The following NOBOX variants were observed in gnomAD, a reference collection of about 807,000 sequenced individuals.
NOBOX encodes the protein NOBOX oogenesis homeobox.
NOBOX carries 46 observed loss-of-function variants against 60.2 expected under a neutral mutation model. The observed-to-expected ratio is 0.76, with a 90% confidence interval of 0.60 to 0.98. The LOEUF is 0.98. Among genes scored for constraint, NOBOX ranks in the 50% least tolerant of loss-of-function variants. NOBOX has a pLI of 0.00. For synonymous variants in NOBOX, 360 were observed against 346.3 expected (o/e 1.04, Z -0.44); for missense variants, 880 against 865.5 (o/e 1.02, Z -0.21).
chr7:144,402,363 C>T (rs927452293), intron 2 of NOBOX, among the ~76,000 whole-genome samples: 8 of 152,188 alleles, frequency 5.3e-5, no homozygotes, highest in African/African-American at 1.9e-4. Flanking sequence ...GCATTGGGAG[C>T]TTATCATGTT....
intron 1 of NOBOX, among the ~76,000 whole-genome samples, chr7:144,406,449 T>C (rs933609590): frequency 6.6e-6 from 1 of 152,066 alleles, no homozygotes; most frequent in Non-Finnish European, 1.5e-5. Context: ...TCCCAGCTAC[T>C]TGGGAGGCTG....
intron 4 of NOBOX, 103 bp from the exon 3 acceptor site, chr7:144,400,415 G>A: frequency 9.9e-7 from 1 of 1,005,874 alleles, no homozygotes; most frequent in Non-Finnish European, 1.5e-6. Context: ...TGGGGCCACT[G>A]CCCCTAACCC....
chr7:144,401,230 C>G lies in NOBOX; in HGVS notation c.660G>C (p.Pro220=), dbSNP rs1457254748. 1.2e-6 allele frequency: 2 copies of G among 1,613,536 alleles called. No individual in the cohort carries two copies. Among genetic ancestry groups the G allele is most frequent in the Admixed American group, 1.7e-5 (1 of 59,926 alleles). Reference sequence around the variant, plus strand: ...TGGCACGGGCTGAGTTAGGGGCACCCGGAGATGATGTTGGGGCCAGACCCA... The same window carrying G: ...TGGCACGGGCTGAGTTAGGGGCACCGGGAGATGATGTTGGGGCCAGACCCA... Residue 220 remains proline (P), a synonymous_variant, in exon 4 of 10, where the codon CCG becomes CCC. Coordinates refer to ENST00000467773, the MANE Select transcript of NOBOX (RefSeq NM_001080413.3). This position sits in a 1 kb window ranked among gnomAD's most constrained non-coding sequence, Gnocchi z 4.2.
At chr7:144,403,263 A>G (rs1447166235) in intron 2 of NOBOX, among the ~76,000 whole-genome samples, 1 of 152,108 alleles carries the variant, frequency 6.6e-6, no homozygotes, top group African/African-American at 2.4e-5. Context: ...ACAGCATTTT[A>G]GGAGAGCTTG....
intron 9 of NOBOX, 56 bp downstream of exon 7, chr7:144,398,226 G>T (rs1250003073): frequency 2.0e-6 from 3 of 1,491,846 alleles, no homozygotes; most frequent in Non-Finnish European, 2.7e-6. Flanking sequence ...TTGGCTCTTT[G>T]TCCCCTCCCA....
At chr7:144,397,690 A>C (rs1208217) in intron 9 of NOBOX, 149 bp from the exon 8 acceptor site, 1 of 668,502 alleles carries the variant, frequency 1.5e-6, no homozygotes, top group Non-Finnish European at 2.5e-6. Context: ...CTCTAGCCTC[A>C]GGGTCTGTCC....
At chr7:144,398,650 G>A in intron 8 of NOBOX, 64 bp from the exon 7 acceptor site, 1 of 1,201,958 alleles carries the variant, frequency 8.3e-7, no homozygotes, top group Non-Finnish European at 1.2e-6. Context: ...TCCTACCACA[G>A]TAGCGGAGTC....
intron 9 of NOBOX, 69 bp downstream of exon 7, chr7:144,398,213 A>G (rs1333284149): frequency 1.4e-6 from 2 of 1,381,262 alleles, no homozygotes; most frequent in Admixed American, 2.0e-5. Context: ...CCCTCCAGAT[A>G]ACTTGGCTCT....
intron 9 of NOBOX, among the ~76,000 whole-genome samples, chr7:144,397,930 A>G (rs2053905329): frequency 6.6e-6 from 1 of 152,172 alleles, no homozygotes. Context: ...CTCTAGGCCA[A>G]ATATTTTCAC....
rs1336671541 is a variant in NOBOX at position 144,400,137 on chromosome 7, C to T, written c.1020G>A (p.Leu340=). 6.2e-7 allele frequency: 1 copy of T among 1,613,626 alleles called. No homozygotes were observed. The highest frequency in any genetic ancestry group is 8.5e-7 in the Non-Finnish European group (1 of 1,179,894). Residue 340 remains leucine, a synonymous_variant, in exon 5 of 10, where the codon TTG becomes TTA. Coordinates refer to ENST00000467773, the MANE Select transcript of NOBOX (RefSeq NM_001080413.3). ...AGGCTACCGCTGAGCGCTCACTCTGCAATTCGAGTGTTTCAATGGTGGGCC... is the reference window on the plus strand; with the variant it reads ...AGGCTACCGCTGAGCGCTCACTCTGTAATTCGAGTGTTTCAATGGTGGGCC...
intron 1 of NOBOX, among the ~76,000 whole-genome samples, chr7:144,407,227 C>T (rs2053991666): frequency 6.6e-6 from 1 of 152,078 alleles, no homozygotes; most frequent in Non-Finnish European, 1.5e-5. Context: ...CCCTCTCTCT[C>T]TATAATGAGA....
intron 4 of NOBOX, among the ~76,000 whole-genome samples, chr7:144,400,565 T>A (rs181209518): frequency 1.3e-5 from 2 of 152,290 alleles, no homozygotes; most frequent in Non-Finnish European, 2.9e-5. Context: ...TTAGACGGAG[T>A]CTCACTCTGT....
At chr7:144,399,271 C>T (rs2053919039) in intron 7 of NOBOX, 93 bp from the exon 6 acceptor site, 10 of 934,688 alleles carry the variant, frequency 1.1e-5, no homozygotes, top group Non-Finnish European at 1.3e-5. Context: ...ATGCCCAGGT[C>T]CCCCTGAATA....
chr7:144,400,053 G>A, intron 5 of NOBOX, 153 bp downstream of exon 3: 1 of 1,541,600 alleles, frequency 6.5e-7, no homozygotes, highest in Non-Finnish European at 8.9e-7. Flanking sequence ...TCAGGCTGTG[G>A]CACTCTGGAA....
chr7:144,401,718 C>A lies in NOBOX; in HGVS notation c.293-121G>T, dbSNP rs1413279568. The A allele has an allele frequency of 1.1e-5, 12 of 1,094,164 alleles. No homozygotes were observed. The East Asian group carries it at 2.7e-4, about 25-fold the overall frequency. The allele number at this position is 1,094,164 out of a possible 1,614,324, so 67.8% of individuals were successfully genotyped here. ...CTTAAGCTTTAATTTGTCTACCTATCAAATGGGGTAATAATTCCACACTTA... is the reference window on the plus strand; with the variant it reads ...CTTAAGCTTTAATTTGTCTACCTATAAAATGGGGTAATAATTCCACACTTA... On this transcript the variant is annotated intron_variant, in intron 3 of 9. Transcript: ENST00000467773. This position sits in a 1 kb window ranked among gnomAD's most constrained non-coding sequence, Gnocchi z 4.2.
chr7:144,397,552 G>C lies in NOBOX; in HGVS notation c.1775-11C>G. The C allele has an allele frequency of 6.6e-7, 1 of 1,506,426 alleles. No individual in the cohort carries two copies. Among genetic ancestry groups the C allele is most frequent in the Non-Finnish European group, 8.9e-7 (1 of 1,129,666 alleles). The allele number at this position is 1,506,426 out of a possible 1,614,324, so 93.3% of individuals were successfully genotyped here. ...TCCAGGAGGCTGTACCTGTGGGGTC[G>C]GAGGGTGTAGGAATTACCAGACAGG... On this transcript the variant is annotated splice_polypyrimidine_tract_variant and intron_variant, in intron 9 of 9. Transcript: ENST00000467773.
rs2053939396 is a variant in NOBOX at position 144,401,513 on chromosome 7, G to A, written c.377C>T (p.Thr126Ile). The A allele has an allele frequency of 2.6e-6, 4 of 1,528,800 alleles. No homozygotes were observed. The highest frequency in any genetic ancestry group is 8.8e-7 in the Non-Finnish European group (1 of 1,142,340). 94.7% of individuals were successfully genotyped at this position (1,528,800 alleles called of 1,614,324 possible). A position where few individuals can be genotyped will look rare whatever the true frequency, so the allele number is the denominator to read the frequency against. ...GGAGGGTGGCAGTTCCTCACTCTGA[G>A]TGTCCTGAGCATGAGGGGCTGAGCC... Residue 126 changes from threonine to isoleucine, a missense_variant, in exon 4 of 10, where the codon ACT (threonine) becomes ATT (isoleucine). Physicochemically the swap from Thr to Ile is moderately conservative, Grantham distance 89. Coordinates refer to ENST00000467773, the MANE Select transcript of NOBOX (RefSeq NM_001080413.3). This position sits in a 1 kb window ranked among gnomAD's most constrained non-coding sequence, Gnocchi z 4.2.
chr7:144,399,100 G>T lies in NOBOX; in HGVS notation c.1319C>A (p.Pro440His). Residue 440 changes from proline to histidine, a missense_variant, in exon 8 of 10, where the codon CCC (proline) becomes CAC (histidine). By Grantham distance (77) the Pro-to-His change is moderately conservative (BLOSUM62 -2). Transcript: ENST00000467773. Reference sequence around the variant, plus strand: ...CACAGGTGGGGGGCTGAAGAGTGGGGGGGTCACCACCCTCTGAGCACCCTC... The same window carrying T: ...CACAGGTGGGGGGCTGAAGAGTGGGTGGGTCACCACCCTCTGAGCACCCTC... 7.9e-7 allele frequency: 1 copy of T among 1,268,788 alleles called. No individual in the cohort carries two copies. Among genetic ancestry groups the T allele is most frequent in the Non-Finnish European group, 1.1e-6 (1 of 870,238 alleles). 78.6% of individuals were successfully genotyped at this position (1,268,788 alleles called of 1,614,324 possible).
chr7:144,399,868 G>A lies in NOBOX; in HGVS notation c.1048-5C>T, dbSNP rs775716064. On this transcript the variant is annotated splice_region_variant and splice_polypyrimidine_tract_variant and intron_variant, in intron 5 of 9. Coordinates refer to ENST00000467773, the MANE Select transcript of NOBOX (RefSeq NM_001080413.3). The stretch of plus-strand genomic sequence containing the variant: ...CCGGCGATTCTGGAACCACACCTAT[G>A]GGGGGAAAGGTGCTTGAAGAACTGG... The A allele has an allele frequency of 1.9e-6, 3 of 1,602,208 alleles. No homozygotes were observed. Among genetic ancestry groups the A allele is most frequent in the South Asian group, 1.1e-5 (1 of 90,324 alleles).
Sources: gnomAD v4.1 joint callset for allele counts (sites outside exome capture counted in the v4.1 genomes callset) on GRCh38, gnomAD v4.1.1 for gene constraint, Gnocchi (gnomAD v3.1) non-coding constraint, MANE v1.5 for transcripts, NCBI Gene and HGNC (gene_info 2026-07-23, HGNC 2026-07-21) for gene names.